Variants in CUX1 observed in about 807,000 individuals in gnomAD.
CUX1 encodes cut like homeobox 1, also known as protein CASP.
CUX1 carries 31 observed loss-of-function variants against 158.8 expected under a neutral mutation model. That is an observed-to-expected ratio of 0.20 (90% CI 0.15 to 0.26). The LOEUF is 0.26. CUX1 is among the 10% of genes least tolerant of loss of function. The pLI, the probability that CUX1 is intolerant of heterozygous loss-of-function variation, is 1.00. For missense variants in CUX1, 1,589 were observed against 2,014.6 expected (o/e 0.79, Z 4.04); for synonymous variants, 879 against 862.1 (o/e 1.02, Z -0.34).
intron 2 of CUX1, among the ~76,000 whole-genome samples, chr7:101,953,704 C>G (rs889314443): frequency 6.6e-6 from 1 of 152,178 alleles, no homozygotes; most frequent in South Asian, 2.1e-4. Flanking sequence ...ATCAGCAGAG[C>G]CTCAGGCCCG....
Position 102,201,353 on chromosome 7 carries a change from C to T in CUX1, c.2063-7C>T, listed in dbSNP as rs1554519611. On this transcript the variant is annotated splice_polypyrimidine_tract_variant and splice_region_variant and intron_variant, in intron 17 of 23. Transcript: ENST00000292535. This position sits in a 1 kb window ranked among gnomAD's most constrained non-coding sequence, Gnocchi z 5.0. ...TGCCACACTCTCACCCCTGTTTCTC[C>T]ATGCAGCAGAGCCGGCCCAGCCTTC... 1 of 1,610,196 alleles carries T rather than the reference C, an allele frequency of 6.2e-7. No individual in the cohort carries two copies. Among genetic ancestry groups the T allele is most frequent in the Non-Finnish European group, 8.5e-7 (1 of 1,177,552 alleles).
At chr7:102,205,820 G>C (rs1166024631) in intron 20 of CUX1, among the ~76,000 whole-genome samples, 2 of 151,930 alleles carry the variant, frequency 1.3e-5, no homozygotes, top group African/African-American at 2.4e-5. Flanking sequence ...TTTGCCACAT[G>C]GTGCCTGGAC....
chr7:101,837,300 T>A (rs1238940641), intron 1 of CUX1, among the ~76,000 whole-genome samples: 1 of 152,240 alleles, frequency 6.6e-6, no homozygotes, highest in Non-Finnish European at 1.5e-5. Flanking sequence ...TGGTTAATAT[T>A]CACTAAAGTA....
chr7:102,204,424 A>T lies in CUX1; in HGVS notation c.2941A>T (p.Met981Leu). The change falls in exon 19 of 24, where the codon ATG becomes TTG. Residue 981 changes from methionine to leucine, a missense_variant. By Grantham distance (15) the Met-to-Leu change is conservative. Coordinates refer to ENST00000292535, the MANE Select transcript of CUX1 (RefSeq NM_181552.4). The part of the protein sequence containing the change: ...LGLSQGSVSD[M>L]LSRPKPWSKL... The stretch of plus-strand genomic sequence containing the variant: ...CCTGTCCCAGGGCAGCGTCAGCGAC[A>T]TGCTGTCCCGACCGAAGCCATGGAG... The T allele has an allele frequency of 1.2e-6, 2 of 1,613,662 alleles. No homozygotes were observed.
At chr7:101,900,562 C>T (rs900693848) in intron 1 of CUX1, among the ~76,000 whole-genome samples, 4 of 152,188 alleles carry the variant, frequency 2.6e-5, no homozygotes, top group Admixed American at 6.5e-5. Flanking sequence ...CTTGCTCTGC[C>T]TTGTTGATAG....
intron 10 of CUX1, 59 bp from the exon 11 acceptor site, chr7:102,178,410 A>T: frequency 6.8e-7 from 1 of 1,479,474 alleles, no homozygotes; most frequent in Non-Finnish European, 9.2e-7. Flanking sequence ...CAGCACAGGT[A>T]GCCTCGAGCA....
chr7:102,114,828 C>T (rs1323519321), intron 7 of CUX1, among the ~76,000 whole-genome samples: 1 of 151,830 alleles, frequency 6.6e-6, no homozygotes, highest in East Asian at 1.9e-4. Flanking sequence ...TTGCAGTAAG[C>T]TGTGATTGTG....
intron 1 of CUX1, among the ~76,000 whole-genome samples, chr7:101,821,515 T>C (rs759367227): frequency 9.3e-5 from 14 of 150,674 alleles, no homozygotes; most frequent in East Asian, 2.0e-4. Context: ...ATTTTTTGTA[T>C]TTTTAGTAGA....
rs535007415 is a variant in CUX1, at chr7:102,011,670, C to T, written c.142-16428C>T. On this transcript the variant is annotated intron_variant, in intron 2 of 23. Transcript: ENST00000292535. ...TGCTGAGATTACAGACATGAGCCAC[C>T]GCGCCTGGCCTTCTGCCTTTTTTGG... Among the ~76,000 whole-genome samples the T allele has an allele frequency of 3.7e-4, 56 of 151,858 alleles. 1 individual carries two copies. The highest frequency in any genetic ancestry group is 6.6e-4 in the Non-Finnish European group (45 of 67,974).
At chr7:102,182,455 G>A (rs1554514248) in intron 11 of CUX1, among the ~76,000 whole-genome samples, 1 of 152,078 alleles carries the variant, frequency 6.6e-6, no homozygotes, top group African/African-American at 2.4e-5. Flanking sequence ...AATTTGATTT[G>A]TTATTTCACA....
In CUX1 at chr7:101,966,508, G is replaced by A. The variant is rs574006300; in HGVS notation, c.141+50283G>A. Among the ~76,000 whole-genome samples, 22 of 152,190 alleles carry A rather than the reference G, an allele frequency of 1.4e-4. 2 individuals are homozygous for A. In the South Asian group the frequency reaches 4.4e-3, roughly 30 times the overall value. On this transcript the variant is annotated intron_variant, in intron 2 of 23. Transcript: ENST00000292535. ...TTGCTTGATGTGGGCTTGTCTTTGA[G>A]ATTTTCGTAGTAAGGTGGTATTTTG...
intron 2 of CUX1, among the ~76,000 whole-genome samples, chr7:101,989,532 C>T (rs1439977795): frequency 6.6e-6 from 1 of 152,220 alleles, no homozygotes; most frequent in African/African-American, 2.4e-5. Context: ...TGTTGCTTCA[C>T]TGTGCTCTGG....
intron 2 of CUX1, among the ~76,000 whole-genome samples, chr7:101,988,314 T>C (rs1200017558): frequency 6.6e-6 from 1 of 152,078 alleles, no homozygotes; most frequent in African/African-American, 2.4e-5. Context: ...CTTTGGAGGC[T>C]GGGGTGGGAG....
intron 1 of CUX1, among the ~76,000 whole-genome samples, chr7:101,861,237 G>T (rs768174646): frequency 6.6e-6 from 1 of 152,082 alleles, no homozygotes; most frequent in Non-Finnish European, 1.5e-5. Flanking sequence ...CTTTAGCTGC[G>T]CCCACCAGTC....
chr7:102,088,001 CT>C (rs147066918), intron 4 of CUX1, among the ~76,000 whole-genome samples: 31,266 of 143,624 alleles, frequency 0.22, 3,790 homozygotes, highest in African/African-American at 0.35. Context: ...TAATCTCACC[CT>C]TTTTTTTTTT....
At chr7:101,964,171 G>A (rs1473157215) in intron 2 of CUX1, among the ~76,000 whole-genome samples, 4 of 151,996 alleles carry the variant, frequency 2.6e-5, no homozygotes, top group Non-Finnish European at 4.4e-5. Context: ...TGCCAACATG[G>A]TGAAACCACG....
At chr7:102,027,019 G>A (rs533485187) in intron 2 of CUX1, among the ~76,000 whole-genome samples, 210 of 152,182 alleles carry the variant, frequency 1.4e-3, no homozygotes, top group African/African-American at 4.7e-3. Flanking sequence ...GGTGGCATGG[G>A]ATAAAATTTA....
At chr7:102,208,341 T>TCAGGCGATTCTCCTGCCTC (rs1285507028) in intron 20 of CUX1, among the ~76,000 whole-genome samples, 3 of 152,184 alleles carry the variant, frequency 2.0e-5, no homozygotes, top group African/African-American at 7.2e-5. Flanking sequence ...CCTCCTGGGT[T>TCAGGCGATTCTCCTGCCTC]CAGGCGATTC....
At chr7:102,143,272 C>A (rs549249346) in intron 8 of CUX1, among the ~76,000 whole-genome samples, 1 of 152,060 alleles carries the variant, frequency 6.6e-6, no homozygotes, top group Non-Finnish European at 1.5e-5. Flanking sequence ...GGCTAACAAT[C>A]TTTTTCTTTT....
Sources: allele counts gnomAD v4.1 joint callset (sites outside exome capture counted in the v4.1 genomes callset), GRCh38; gene constraint gnomAD v4.1.1; non-coding constraint Gnocchi (gnomAD v3.1); transcripts MANE v1.5; gene names NCBI Gene and HGNC (gene_info 2026-07-23, HGNC 2026-07-21).